Variants in NASP observed in about 807,000 individuals in gnomAD.
The protein encoded by NASP is NASP histone chaperone.
In NASP, 24 loss-of-function variants were observed where a neutral mutation model predicts 89.5. That is an observed-to-expected ratio of 0.27 (90% CI 0.19 to 0.38). NASP has a LOEUF of 0.38. NASP is among the 10% of genes least tolerant of loss of function. The pLI is 1.00. For missense variants in NASP, 848 were observed against 921.4 expected, an observed-to-expected ratio of 0.92 and a Z score of 1.03; for synonymous variants, 306 against 324.7, an observed-to-expected ratio of 0.94 and a Z score of 0.62.
In NASP at chr1:45,608,961, C is replaced by A. The variant is rs60916630; in HGVS notation, c.1426+624C>A. Among the ~76,000 whole-genome samples, 1,152 of 152,224 alleles carry A rather than the reference C, an allele frequency of 7.6e-3. 17 individuals carry two copies. Among genetic ancestry groups the A allele is most frequent in the African/African-American group, 0.027 (1,115 of 41,498 alleles). On this transcript the variant is annotated intron_variant, in intron 6 of 14. Coordinates refer to ENST00000350030, the MANE Select transcript of NASP (RefSeq NM_002482.4). The stretch of plus-strand genomic sequence containing the variant: ...CACATTAGTTAAAACAGGCCCCCCC[C>A]ACCTTCCCCAAGGCAACAGAAAACA...
Position 45,616,686 on chromosome 1 carries a change from C to A in NASP, c.2140C>A (p.His714Asn). 1 of 1,613,842 alleles carries A rather than the reference C, an allele frequency of 6.2e-7. No homozygotes were observed. The highest frequency in any genetic ancestry group is 8.5e-7 in the Non-Finnish European group (1 of 1,179,712). Reference protein sequence around the residue: ...SSSNCVTDISHLVRKKRKPEE... With the variant: ...SSSNCVTDISNLVRKKRKPEE... ...ATCAAATTGTGTGACTGATATTTCCCACCTTGTCAGAAAGAAGGTAAGTCT... is the reference window on the plus strand; with the variant it reads ...ATCAAATTGTGTGACTGATATTTCCAACCTTGTCAGAAAGAAGGTAAGTCT... The change falls in exon 13 of 15, where the codon CAC (histidine) becomes AAC (asparagine). Residue 714 changes from histidine to asparagine, a missense_variant. Physicochemically the swap from His to Asn is moderately conservative, Grantham distance 68 (BLOSUM62 1). This residue lies in a region of NASP where 218 missense variants were observed against 219.6 expected (regional missense o/e 0.99). Transcript: ENST00000350030.
At chr1:45,594,158 T>C (rs891357061) in intron 2 of NASP, among the ~76,000 whole-genome samples, 1 of 116,330 alleles carries the variant, frequency 8.6e-6, no homozygotes, top group African/African-American at 3.0e-5. Context: ...AAACCCCGTC[T>C]CTACTAAAAA....
At chr1:45,606,882 C>T (rs565209513) in intron 5 of NASP, among the ~76,000 whole-genome samples, 1 of 152,264 alleles carries the variant, frequency 6.6e-6, no homozygotes, top group South Asian at 2.1e-4. Flanking sequence ...ACTATTACAA[C>T]CTTAAGTGTT....
chr1:45,617,935 TTAATA>T, intron 14 of NASP, 121 bp from the exon 15 acceptor site: 1 of 792,886 alleles, frequency 1.3e-6, no homozygotes, highest in Non-Finnish European at 2.1e-6. Context: ...CACTGCCCTC[TTAATA>T]TAGGGAGCAA....
chr1:45,614,221 G>T (rs199547575), intron 8 of NASP, 40 bp downstream of exon 8: 1 of 1,596,500 alleles, frequency 6.3e-7, no homozygotes, highest in East Asian at 2.2e-5. Flanking sequence ...TTGGGAGTTT[G>T]GTGGTTAAAT....
chr1:45,586,388 T>TA (rs774223591), intron 1 of NASP, among the ~76,000 whole-genome samples: 1 of 151,526 alleles, frequency 6.6e-6, no homozygotes, highest in Non-Finnish European at 1.5e-5. Context: ...TGGCCTCAAG[T>TA]GATTGTCCGG....
At chr1:45,616,991 C>T (rs1011244438) in intron 13 of NASP, among the ~76,000 whole-genome samples, 5 of 152,122 alleles carry the variant, frequency 3.3e-5, no homozygotes, top group African/African-American at 9.7e-5. Context: ...ATTACAGGCG[C>T]CCGCCACCAC....
At chr1:45,605,127 G>T in intron 4 of NASP, 111 bp downstream of exon 4, 1 of 789,598 alleles carries the variant, frequency 1.3e-6, no homozygotes, top group South Asian at 1.6e-5. Context: ...TTTTGAAGGA[G>T]CTTGAAGTAG....
intron 1 of NASP, among the ~76,000 whole-genome samples, chr1:45,586,300 T>TGTGTGTGTGTGTGTGTG (rs1644548171): frequency 8.6e-6 from 1 of 116,676 alleles, no homozygotes; most frequent in Admixed American, 8.6e-5. Flanking sequence ...TGTGTGTGTG[T>TGTGTGTGTGTGTGTGTG]GTGTGTGTGG....
intron 6 of NASP, chr1:45,611,130 T>C (rs1199870777): frequency 6.6e-6 from 1 of 152,198 alleles, no homozygotes. Context: ...TCTAGCAGAA[T>C]ATGCAGAAAA....
chr1:45,589,569 G>C (rs1050300530), intron 1 of NASP, among the ~76,000 whole-genome samples: 1 of 151,964 alleles, frequency 6.6e-6, no homozygotes, highest in African/African-American at 2.4e-5. Context: ...CTTCATAGTT[G>C]TAAATGTAGT....
intron 9 of NASP, among the ~76,000 whole-genome samples, chr1:45,614,631 C>T (rs985409609): frequency 3.9e-5 from 6 of 152,110 alleles, no homozygotes; most frequent in Admixed American, 1.3e-4. Context: ...CTCCGCCACC[C>T]GGGTTCAAGC....
At chr1:45,610,712 C>T (rs904074106) in intron 6 of NASP, 1 of 152,170 alleles carries the variant, frequency 6.6e-6, no homozygotes, top group Non-Finnish European at 1.5e-5. Flanking sequence ...CCATCTTCCT[C>T]CCTCAGTCTC....
intron 6 of NASP, chr1:45,609,756 G>A (rs1312561446): frequency 6.6e-6 from 1 of 152,214 alleles, no homozygotes; most frequent in Non-Finnish European, 1.5e-5. Context: ...CCAAGTTACA[G>A]TGATGAGGTT....
At chr1:45,605,582 C>G (rs1643897023) in intron 4 of NASP, 1 of 152,166 alleles carries the variant, frequency 6.6e-6, no homozygotes, top group Non-Finnish European at 1.5e-5. Flanking sequence ...TCTGCCCCAG[C>G]CTCCTGAGTA....
chr1:45,614,956 G>C (rs973120478), intron 9 of NASP, 57 bp from the exon 10 acceptor site: 4 of 1,465,030 alleles, frequency 2.7e-6, no homozygotes, highest in Non-Finnish European at 3.7e-6. Flanking sequence ...CTGAATTCTG[G>C]AAGTATTTTA....
chr1:45,617,001 C>T (rs1308801802), intron 13 of NASP, among the ~76,000 whole-genome samples: 1 of 152,170 alleles, frequency 6.6e-6, no homozygotes, highest in African/African-American at 2.4e-5. Flanking sequence ...CCCGCCACCA[C>T]GCCTGGCTAG....
chr1:45,614,250 G>C, intron 8 of NASP, 43 bp from the exon 9 acceptor site: 2 of 1,596,034 alleles, frequency 1.3e-6, no homozygotes, highest in Non-Finnish European at 1.7e-6. Context: ...GTTAGGGTTA[G>C]ACAGGTACTG....
intron 2 of NASP, among the ~76,000 whole-genome samples, chr1:45,595,533 T>C (rs1164722357): frequency 6.6e-6 from 1 of 152,190 alleles, no homozygotes; most frequent in Non-Finnish European, 1.5e-5. Flanking sequence ...TTCTCAAAGT[T>C]TTTTTCTTGT....
Sources: allele counts gnomAD v4.1 joint callset (sites outside exome capture counted in the v4.1 genomes callset), GRCh38; gene constraint gnomAD v4.1.1; regional missense constraint gnomAD v4.1.1; transcripts MANE v1.5; gene names NCBI Gene and HGNC (gene_info 2026-07-23, HGNC 2026-07-21).